COMMD4: variants seen among roughly 807,000 people sequenced by gnomAD.
COMMD4 encodes the protein COMM domain containing 4.
Under a neutral mutation model 27.5 loss-of-function variants are expected in COMMD4, and 18 were observed. The observed-to-expected ratio is 0.65, with a 90% CI of 0.45 to 0.97. COMMD4 has a LOEUF of 0.97. Ranked by LOEUF, COMMD4 falls within the 50% of genes least tolerant of loss-of-function variation. The probability of loss-of-function intolerance (pLI) is 0.00; values close to 1 mark genes in which losing one functional copy is unlikely to be tolerated. For missense variants in COMMD4, 243 were observed against 250.0 expected (o/e 0.97, Z 0.19); for synonymous variants, 108 against 108.4 (o/e 1.00, Z 0.02).
chr15:75,343,119 C>T (rs111287662), downstream of COMMD4: 2 of 152,118 alleles, frequency 1.3e-5, no homozygotes, highest in African/African-American at 2.4e-5. Flanking sequence ...CGTGCCCAGC[C>T]GATTTGATCA....
In COMMD4 at chr15:75,336,077, G is replaced by C. The variant is rs932776208; in HGVS notation, c.-13G>C. On this transcript the variant is annotated 5_prime_UTR_variant, in exon 1 of 8. Transcript: ENST00000267935. The stretch of plus-strand genomic sequence containing the variant: ...CGGAAAAAGAAATTCCCGGGCCCTG[G>C]CTTCTTGGCGCGATGGTGAGGCACT... 5.8e-6 allele frequency: 9 copies of C among 1,549,610 alleles called. No individual in the cohort carries two copies. In the African/African-American group the frequency reaches 1.2e-4, roughly 21 times the overall value.
intron 6 of COMMD4, 168 bp downstream of exon 6, chr15:75,339,512 C>A: frequency 8.4e-7 from 1 of 1,185,906 alleles, no homozygotes; most frequent in Non-Finnish European, 1.2e-6. Flanking sequence ...GGTTTCTTGT[C>A]ACTGAGGTCT....
At chr15:75,341,698 A>T (rs1487540197), downstream of COMMD4, 1 of 152,200 alleles carries the variant, frequency 6.6e-6, no homozygotes, top group Non-Finnish European at 1.5e-5. Context: ...AGATCTGTAG[A>T]ACTATACAAA....
In COMMD4 at chr15:75,338,638, C is replaced by T. The variant is rs1297930665; in HGVS notation, c.142-8C>T. ...CTGGCACCCCCTGAAGGTCTCCTTT[C>T]CCCATAGTATGAGAAGATCCTGAAG... is the stretch of plus-strand genomic sequence containing the variant. On this transcript the variant is annotated splice_polypyrimidine_tract_variant and splice_region_variant and intron_variant, in intron 3 of 7. Coordinates refer to ENST00000267935, the MANE Select transcript of COMMD4 (RefSeq NM_017828.5). 1 of 1,613,820 alleles carries T rather than the reference C, an allele frequency of 6.2e-7. No individual in the cohort carries two copies. Among genetic ancestry groups the T allele is most frequent in the South Asian group, 1.1e-5 (1 of 91,028 alleles).
At chr15:75,340,315 T>G (rs2071413802), downstream of COMMD4, 1 of 372,966 alleles carries the variant, frequency 2.7e-6, no homozygotes, top group African/African-American at 2.0e-5. Context: ...CAAGGGTTTT[T>G]GTGAGAGAAA....
intron 2 of COMMD4, 64 bp from the exon 3 acceptor site, chr15:75,338,291 G>C (rs1000694685): frequency 2.7e-6 from 4 of 1,470,810 alleles, no homozygotes; most frequent in Non-Finnish European, 3.7e-6. Flanking sequence ...CCTGCTCTGA[G>C]CCAGTCCCCA....
chr15:75,339,397 A>G, intron 6 of COMMD4, 53 bp downstream of exon 6: 1 of 1,589,230 alleles, frequency 6.3e-7, no homozygotes, highest in Non-Finnish European at 8.6e-7. Context: ...TGCACGCAGC[A>G]CACAAAGTGC....
chr15:75,336,191 C>T (rs2059431346), intron 1 of COMMD4, 99 bp downstream of exon 1: 3 of 1,548,982 alleles, frequency 1.9e-6, no homozygotes, highest in African/African-American at 1.4e-5. Context: ...CTGGCCTCTC[C>T]GCAAACACAG....
chr15:75,336,519 C>T, intron 1 of COMMD4: 2 of 367,818 alleles, frequency 5.4e-6, no homozygotes, highest in Non-Finnish European at 9.9e-6. Context: ...TAGGAAGCCC[C>T]TCCGCTCTTT....
intron 2 of COMMD4, 42 bp downstream of exon 2, chr15:75,338,175 G>A (rs753717441): frequency 3.8e-6 from 6 of 1,560,474 alleles, no homozygotes; most frequent in African/African-American, 1.4e-5. Context: ...GAGGGGTGTT[G>A]GGGGTGGGGA....
chr15:75,338,479 A>G, intron 3 of COMMD4, 59 bp downstream of exon 3: 4 of 1,599,682 alleles, frequency 2.5e-6, no homozygotes, highest in Non-Finnish European at 3.4e-6. Context: ...ACTGCCCTGA[A>G]ACTCTGCACT....
chr15:75,338,155 C>T (rs1373241040), intron 2 of COMMD4, 22 bp downstream of exon 2: 1 of 1,582,864 alleles, frequency 6.3e-7, no homozygotes, highest in South Asian at 1.2e-5. Context: ...AGGGTCTAGT[C>T]TGGGTGGAGG....
intron 2 of COMMD4, 54 bp from the exon 3 acceptor site, chr15:75,338,301 A>G (rs2071293738): frequency 2.7e-6 from 4 of 1,489,244 alleles, no homozygotes; most frequent in Non-Finnish European, 3.7e-6. Flanking sequence ...GCCAGTCCCC[A>G]GGAAGGAGGG....
In COMMD4 at chr15:75,338,232, G is replaced by A. The variant is rs559313799; in HGVS notation, c.75+99G>A. 1.6e-4 allele frequency: 243 copies of A among 1,502,466 alleles called. No individual in the cohort carries two copies. The South Asian group carries it at 2.7e-3, about 17-fold the overall frequency. The allele number at this position is 1,502,466 out of a possible 1,614,324, so 93.1% of individuals were successfully genotyped here. A position where few individuals can be genotyped will look rare whatever the true frequency, so the allele number is the denominator to read the frequency against. The stretch of plus-strand genomic sequence containing the variant: ...AGGTTTCTCTGGGGCTAGGGCCTCA[G>A]TGCTCTCAGCCTGTGCTACCATGCT... On this transcript the variant is annotated intron_variant, in intron 2 of 7. Coordinates refer to ENST00000267935, the MANE Select transcript of COMMD4 (RefSeq NM_017828.5).
intron 1 of COMMD4, chr15:75,337,689 A>T (rs2071259185): frequency 8.3e-6 from 2 of 242,278 alleles, no homozygotes; most frequent in Non-Finnish European, 1.6e-5. Flanking sequence ...GGGAAGCTGG[A>T]GTGGCTGGAG....
At chr15:75,336,166 C>T (rs1397716560) in intron 1 of COMMD4, 74 bp downstream of exon 1, 4 of 1,549,352 alleles carry the variant, frequency 2.6e-6, no homozygotes, top group Admixed American at 3.9e-5. Context: ...GCTCCGGAAA[C>T]TGGGGGAGGT....
chr15:75,336,111 A>C lies in COMMD4; in HGVS notation c.3+19A>C. ...CGCGATGGTGAGGCACTAGGGGCGA[A>C]GCGAGGCTTGGGCTGCTGGAGCGGG... is the stretch of plus-strand genomic sequence containing the variant. On this transcript the variant is annotated intron_variant, in intron 1 of 7. Coordinates refer to ENST00000267935, the MANE Select transcript of COMMD4 (RefSeq NM_017828.5). 6.5e-7 allele frequency: 1 copy of C among 1,549,814 alleles called. No individual in the cohort carries two copies. The highest frequency in any genetic ancestry group is 2.4e-5 in the East Asian group (1 of 40,926).
At position 75,336,210 on chromosome 15, in the gene COMMD4, G is replaced by T. The variant is rs2071173882; in HGVS notation, c.3+118G>T. ...CCTCTCCGCAAACACAGTGTGTGCG[G>T]GCGTGAGGGCTGTGAGTCTGGTAGG... On this transcript the variant is annotated intron_variant, in intron 1 of 7. Transcript: ENST00000267935. 1.9e-6 allele frequency: 3 copies of T among 1,546,850 alleles called. No individual in the cohort carries two copies. The South Asian group carries it at 3.6e-5, about 18-fold the overall frequency.
Position 75,340,192 on chromosome 15 carries a change from C to G in COMMD4, c.*187C>G, listed in dbSNP as rs990376291. On this transcript the variant is annotated 3_prime_UTR_variant, in exon 8 of 8. Transcript: ENST00000267935. ...TGGCTCAGGGCTCCTGAGGACCTTT[C>G]CCAGCATTACCTTCCCTTCCCTTGA... 21 of 604,916 alleles carry G rather than the reference C, an allele frequency of 3.5e-5. No individual in the cohort carries two copies. In the South Asian group the frequency reaches 4.5e-4, roughly 13 times the overall value. The allele number at this position is 604,916 out of a possible 1,614,324, so 37.5% of individuals were successfully genotyped here. A position where few individuals can be genotyped will look rare whatever the true frequency, so the allele number is the denominator to read the frequency against.
Sources: allele counts gnomAD v4.1 joint callset, GRCh38; gene constraint gnomAD v4.1.1; transcripts MANE v1.5; gene names NCBI Gene and HGNC (gene_info 2026-07-23, HGNC 2026-07-21).